The following DNAH11 variants were observed in gnomAD, a reference collection of about 807,000 sequenced individuals.
DNAH11 encodes the protein dynein axonemal heavy chain 11.
DNAH11 carries 442 observed loss-of-function variants against 526.0 expected under a neutral mutation model. The ratio of observed to expected loss-of-function variants is 0.84; its 90% CI spans 0.78 to 0.91. DNAH11 has a LOEUF of 0.91. Among genes scored for constraint, DNAH11 ranks in the 40% least tolerant of loss-of-function variants. The pLI, the probability that DNAH11 is intolerant of heterozygous loss-of-function variation, is 0.00. For missense variants in DNAH11, 6,989 were observed against 5,448.7 expected (o/e 1.28, Z -8.90); for synonymous variants, 2,461 against 1,935.9 (o/e 1.27, Z -7.12).
chr7:21,721,573 A>G (rs1583626970), intron 44 of DNAH11, among the ~76,000 whole-genome samples: 1 of 152,162 alleles, frequency 6.6e-6, no homozygotes, highest in Non-Finnish European at 1.5e-5. Context: ...CACCTTTCAG[A>G]CCGCCACTTT....
At chr7:21,888,662 G>GT (rs1255768163) in intron 76 of DNAH11, among the ~76,000 whole-genome samples, 2 of 151,832 alleles carry the variant, frequency 1.3e-5, no homozygotes, top group African/African-American at 4.8e-5. Context: ...GCTAATTTTC[G>GT]TATTTTTAGT....
At chr7:21,562,726 A>G (rs1008357108) in intron 5 of DNAH11, among the ~76,000 whole-genome samples, 18 of 152,164 alleles carry the variant, frequency 1.2e-4, no homozygotes, top group African/African-American at 4.1e-4. Flanking sequence ...AGATACGATT[A>G]TATAATTTTG....
At chr7:21,840,857 A>G (rs1274920415) in intron 65 of DNAH11, among the ~76,000 whole-genome samples, 1 of 152,208 alleles carries the variant, frequency 6.6e-6, no homozygotes, top group East Asian at 1.9e-4. Flanking sequence ...CAGGAAGCCA[A>G]TGCAGAAAGT....
In DNAH11 at chr7:21,838,212, G is replaced by C. The variant is rs562486123; in HGVS notation, c.10692-4332G>C. Among the ~76,000 whole-genome samples, 27 of 152,308 alleles carry C rather than the reference G, an allele frequency of 1.8e-4. No homozygotes were observed. In the South Asian group the frequency reaches 5.6e-3, roughly 32 times the overall value. ...CAAAAGAGGCAGGTTAATTTAGAAAGATGTCCTTATCAAACAAGATTATCC... is the reference window on the plus strand; with the variant it reads ...CAAAAGAGGCAGGTTAATTTAGAAACATGTCCTTATCAAACAAGATTATCC... On this transcript the variant is annotated intron_variant, in intron 65 of 81. Transcript: ENST00000409508.
intron 1 of DNAH11, 139 bp downstream of exon 1, chr7:21,543,735 G>A (rs1782690148): frequency 1.1e-6 from 1 of 882,826 alleles, no homozygotes. Flanking sequence ...CCATCCTGAG[G>A]CCCGCAGGAC....
chr7:21,856,251 A>T (rs527977604), intron 68 of DNAH11, among the ~76,000 whole-genome samples: 1 of 152,214 alleles, frequency 6.6e-6, no homozygotes, highest in Non-Finnish European at 1.5e-5. Context: ...TGATGTGATG[A>T]CAAAAGACTC....
At chr7:21,862,425 G>T (rs1422139844) in intron 69 of DNAH11, among the ~76,000 whole-genome samples, 1 of 152,124 alleles carries the variant, frequency 6.6e-6, no homozygotes, top group Non-Finnish European at 1.5e-5. Context: ...CAGCGACTGG[G>T]TTCGTCCATG....
At chr7:21,755,810 A>T (rs1001765270) in intron 54 of DNAH11, among the ~76,000 whole-genome samples, 3 of 152,168 alleles carry the variant, frequency 2.0e-5, no homozygotes, top group Non-Finnish European at 2.9e-5. Flanking sequence ...AATTTGGTGT[A>T]TGGAATGAAC....
chr7:21,854,551 C>A, intron 68 of DNAH11, 96 bp downstream of exon 68: 1 of 1,184,378 alleles, frequency 8.4e-7, no homozygotes, highest in Non-Finnish European at 1.2e-6. Context: ...ATAATAATAA[C>A]TATTATTACT....
At chr7:21,666,033 T>C (rs980273845) in intron 30 of DNAH11, among the ~76,000 whole-genome samples, 1 of 152,186 alleles carries the variant, frequency 6.6e-6, no homozygotes, top group Non-Finnish European at 1.5e-5. Context: ...GCTTTAGTCA[T>C]TTAAAATAGC....
At chr7:21,571,726 G>T in intron 7 of DNAH11, 80 bp from the exon 8 acceptor site, 1 of 1,092,000 alleles carries the variant, frequency 9.2e-7, no homozygotes, top group Non-Finnish European at 1.2e-6. Flanking sequence ...TTGAACATTT[G>T]AAAATGTTCT....
chr7:21,884,390 G>C lies in DNAH11; in HGVS notation c.12487G>C (p.Glu4163Gln). The C allele has an allele frequency of 6.2e-7, 1 of 1,611,428 alleles. No individual in the cohort carries two copies. The highest frequency in any genetic ancestry group is 8.5e-7 in the Non-Finnish European group (1 of 1,178,810). ...CAAACTGTGTCGGGTGTATTTAGAA[G>C]AATTCATGAATCCATCTCTGGTAAG... ...DRKLCRVYLE[E>Q]FMNPSLTEDE... The change falls in exon 76 of 82, where the codon GAA becomes CAA. Residue 4163 changes from glutamate to glutamine, a missense_variant. Physicochemically the swap from Glu to Gln is conservative, Grantham distance 29. Transcript: ENST00000409508.
intron 44 of DNAH11, among the ~76,000 whole-genome samples, chr7:21,723,913 T>A (rs1244072086): frequency 6.6e-6 from 1 of 152,224 alleles, no homozygotes. Context: ...TACAGCAAAC[T>A]TTACTTTCAA....
rs762164783 is a variant in DNAH11 at position 21,748,658 on chromosome 7, C to A, written c.8589C>A (p.Ser2863Arg). The change falls in exon 52 of 82, where the codon AGC (serine) becomes AGA (arginine). Residue 2863 changes from serine (S) to arginine (R), a missense_variant. By Grantham distance (110) the Ser-to-Arg change is moderately radical. Transcript: ENST00000409508. ...LVGVGGSGKQ[S>R]LSRLAAYLRG... ...GAGTTGGGGGCAGTGGCAAGCAGAGCTTGTCCAGGCTGGCAGCTTACCTTC... is the reference window on the plus strand; with the variant it reads ...GAGTTGGGGGCAGTGGCAAGCAGAGATTGTCCAGGCTGGCAGCTTACCTTC... 1 of 1,613,512 alleles carries A rather than the reference C, an allele frequency of 6.2e-7. No individual in the cohort carries two copies. The highest frequency in any genetic ancestry group is 8.5e-7 in the Non-Finnish European group (1 of 1,179,670).
chr7:21,636,729 A>T (rs1366880628), intron 26 of DNAH11, among the ~76,000 whole-genome samples: 1 of 152,088 alleles, frequency 6.6e-6, no homozygotes, highest in African/African-American at 2.4e-5. Flanking sequence ...ACAGAATGAG[A>T]CCCTGTCTCC....
At chr7:21,645,128 G>C (rs144803286) in intron 28 of DNAH11, among the ~76,000 whole-genome samples, 39 of 152,290 alleles carry the variant, frequency 2.6e-4, no homozygotes, top group African/African-American at 8.7e-4. Flanking sequence ...TCAATGTTAT[G>C]AGTTCCAAAA....
chr7:21,633,025 C>T (rs1786688983), intron 25 of DNAH11, among the ~76,000 whole-genome samples: 1 of 152,160 alleles, frequency 6.6e-6, no homozygotes, highest in Non-Finnish European at 1.5e-5. Flanking sequence ...GCACGTCTCC[C>T]AAAGTGGCAG....
chr7:21,604,933 G>T (rs1785226255), intron 18 of DNAH11, among the ~76,000 whole-genome samples: 1 of 152,140 alleles, frequency 6.6e-6, no homozygotes, highest in Non-Finnish European at 1.5e-5. Context: ...GGACAAAGGG[G>T]TTTAAAGCCC....
chr7:21,823,740 T>C (rs1269888396), intron 65 of DNAH11, among the ~76,000 whole-genome samples: 1 of 152,106 alleles, frequency 6.6e-6, no homozygotes, highest in East Asian at 1.9e-4. Context: ...TGTTACTAGG[T>C]GGATTAAGTA....
Sources: allele counts gnomAD v4.1 joint callset (sites outside exome capture counted in the v4.1 genomes callset), GRCh38; gene constraint gnomAD v4.1.1; transcripts MANE v1.5; gene names NCBI Gene and HGNC (gene_info 2026-07-23, HGNC 2026-07-21).